Variants in GMDS observed in about 807,000 individuals in gnomAD.
GMDS encodes GDP-mannose 4,6-dehydratase.
Under a neutral mutation model 49.9 loss-of-function variants are expected in GMDS, and 20 were observed. The ratio of observed to expected loss-of-function variants is 0.40; its 90% confidence interval spans 0.28 to 0.58. The LOEUF (loss-of-function observed/expected upper bound fraction) is 0.58. GMDS is among the 20% of genes least tolerant of loss of function. The probability of loss-of-function intolerance (pLI) is 0.42; values close to 1 mark genes in which losing one functional copy is unlikely to be tolerated. For missense variants in GMDS, 362 were observed against 481.4 expected (o/e 0.75, Z 2.32); for synonymous variants, 177 against 178.6 (o/e 0.99, Z 0.07).
At chr6:2,211,504 T>G (rs1780059630) in intron 1 of GMDS, among the ~76,000 whole-genome samples, 1 of 152,202 alleles carries the variant, frequency 6.6e-6, no homozygotes, top group Non-Finnish European at 1.5e-5. Flanking sequence ...TAATTAATAG[T>G]AACATCTGCC....
At chr6:1,717,546 T>C (rs1024884827) in intron 9 of GMDS, 1 of 152,214 alleles carries the variant, frequency 6.6e-6, no homozygotes. Flanking sequence ...CAATTCAGCA[T>C]ATCCCTACCT....
At chr6:1,821,642 A>G (rs1468509720) in intron 7 of GMDS, among the ~76,000 whole-genome samples, 5 of 138,644 alleles carry the variant, frequency 3.6e-5, no homozygotes, top group African/African-American at 5.5e-5. Context: ...TTTTTTTACC[A>G]AGATAAAAAT....
chr6:1,790,510 T>TTACC (rs1485225979), intron 7 of GMDS, among the ~76,000 whole-genome samples: 1 of 152,228 alleles, frequency 6.6e-6, no homozygotes, highest in Non-Finnish European at 1.5e-5. Flanking sequence ...TGCTGTTGGC[T>TTACC]TACCTACCTG....
At chr6:1,993,242 G>A (rs1365173303) in intron 4 of GMDS, among the ~76,000 whole-genome samples, 2 of 152,126 alleles carry the variant, frequency 1.3e-5, no homozygotes, top group Non-Finnish European at 2.9e-5. Context: ...ATGCTGGCTC[G>A]TGGTTTTGTT....
rs1763072341 is a variant in GMDS, at chr6:1,946,321, G to A, written c.643+13546C>T. Among the ~76,000 whole-genome samples, 4 of 152,254 alleles carry A rather than the reference G, an allele frequency of 2.6e-5. No individual in the cohort carries two copies. In the South Asian group the frequency reaches 6.2e-4, roughly 24 times the overall value. On this transcript the variant is annotated intron_variant, in intron 6 of 10. Coordinates refer to ENST00000380815, the MANE Select transcript of GMDS (RefSeq NM_001500.4). ...ACACAGTTCCAGGGTCAAACCACAT[G>A]AGTCCAAATCCTATATCCTTCACTA...
chr6:2,117,652 A>G (rs1581673755), intron 2 of GMDS, 96 bp from the exon 3 acceptor site: 2 of 749,884 alleles, frequency 2.7e-6, no homozygotes, highest in Non-Finnish European at 4.8e-6. Context: ...ATGATTTGTA[A>G]GCATTATTTT....
chr6:2,191,670 A>C lies in GMDS; in HGVS notation c.102+53651T>G, dbSNP rs891270013. ...CAGCCAGGTATGTGAGGGTCCTGCC[A>C]CCTCAGCTCCCTCCAGACTCTGTGT... On this transcript the variant is annotated intron_variant, in intron 1 of 10. Transcript: ENST00000380815. This position sits in a 1 kb window ranked among gnomAD's most constrained non-coding sequence, Gnocchi z 4.6. Among the ~76,000 whole-genome samples, 1 of 152,278 alleles carries C rather than the reference A, an allele frequency of 6.6e-6. No individual in the cohort carries two copies. The highest frequency in any genetic ancestry group is 2.4e-5 in the African/African-American group (1 of 41,572).
chr6:1,818,988 A>G (rs1277576764), intron 7 of GMDS, among the ~76,000 whole-genome samples: 1 of 152,124 alleles, frequency 6.6e-6, no homozygotes, highest in Non-Finnish European at 1.5e-5. Flanking sequence ...CCGCATGACT[A>G]GATAGAAGCT....
At chr6:1,994,459 G>T (rs999978870) in intron 4 of GMDS, among the ~76,000 whole-genome samples, 1 of 152,016 alleles carries the variant, frequency 6.6e-6, no homozygotes, top group Non-Finnish European at 1.5e-5. Flanking sequence ...AAGAAGGCAG[G>T]CCATAAATAA....
At chr6:2,011,892 G>T (rs1214870420) in intron 4 of GMDS, among the ~76,000 whole-genome samples, 1 of 152,194 alleles carries the variant, frequency 6.6e-6, no homozygotes, top group Non-Finnish European at 1.5e-5. Flanking sequence ...TTGCATTCTT[G>T]TCTACAGCAA....
chr6:1,840,677 C>T lies in GMDS; in HGVS notation c.771+89426G>A, dbSNP rs1757115707. 2.6e-5 allele frequency among the ~76,000 whole-genome samples: 4 copies of T among 152,306 alleles called. 1 individual carries two copies. The South Asian group carries it at 8.3e-4, about 32-fold the overall frequency. ...ACCAAAGTGTGGGTCAGCCGCACTT[C>T]CAAGTGGAGCACTGAGTGGAGACCG... is the stretch of plus-strand genomic sequence containing the variant. On this transcript the variant is annotated intron_variant, in intron 7 of 10. Transcript: ENST00000380815.
intron 4 of GMDS, among the ~76,000 whole-genome samples, chr6:2,025,932 C>A (rs1315701809): frequency 6.6e-6 from 1 of 152,146 alleles, no homozygotes; most frequent in Non-Finnish European, 1.5e-5. Context: ...GATGTTACAT[C>A]TTTTTTGTTA....
chr6:2,164,387 A>T (rs567236325), intron 1 of GMDS, among the ~76,000 whole-genome samples: 73 of 152,152 alleles, frequency 4.8e-4, no homozygotes, highest in Non-Finnish European at 7.6e-4. Flanking sequence ...TACTGGTCTA[A>T]AAACAGAGCC....
Position 1,793,575 on chromosome 6 carries a change from G to A in GMDS, c.772-50989C>T, listed in dbSNP as rs147467509. 3.4e-3 allele frequency among the ~76,000 whole-genome samples: 515 copies of A among 152,254 alleles called. 2 individuals carry two copies. Among genetic ancestry groups the A allele is most frequent in the African/African-American group, 0.012 (485 of 41,538 alleles). ...GACACCTGGATGTTTCTGAGCCACCGCAGGTGGAGACTGGAGTACCTTGTG... is the reference window on the plus strand; with the variant it reads ...GACACCTGGATGTTTCTGAGCCACCACAGGTGGAGACTGGAGTACCTTGTG... On this transcript the variant is annotated intron_variant, in intron 7 of 10. Transcript: ENST00000380815.
At chr6:2,137,445 T>C (rs942351270) in intron 1 of GMDS, among the ~76,000 whole-genome samples, 1 of 151,824 alleles carries the variant, frequency 6.6e-6, no homozygotes, top group African/African-American at 2.4e-5. Flanking sequence ...GTGATTCTCC[T>C]GCCTCAGCCT....
chr6:1,656,720 C>T (rs1003848642), intron 9 of GMDS, among the ~76,000 whole-genome samples: 6 of 151,480 alleles, frequency 4.0e-5, no homozygotes, highest in East Asian at 3.9e-4. Flanking sequence ...GCCGAGATCG[C>T]GCCACTGCAC....
intron 9 of GMDS, among the ~76,000 whole-genome samples, chr6:1,698,312 G>A (rs1019941911): frequency 6.6e-6 from 1 of 152,226 alleles, no homozygotes; most frequent in African/African-American, 2.4e-5. Context: ...CCTGGAATGG[G>A]TGTACAACAC....
In GMDS at chr6:1,767,651, C is replaced by G. The variant is rs1581158876; in HGVS notation, c.772-25065G>C. Among the ~76,000 whole-genome samples the G allele has an allele frequency of 2.0e-5, 3 of 152,246 alleles. No homozygotes were observed. In the East Asian group the frequency reaches 5.8e-4, roughly 29 times the overall value. ...GAGTCTCTGGCAGCCGAGTCTGGAG[C>G]GAGTTTCTCTGCAAATTCTCTGGGG... On this transcript the variant is annotated intron_variant, in intron 7 of 10. Transcript: ENST00000380815.
chr6:1,948,125 T>C (rs906941451), intron 6 of GMDS, among the ~76,000 whole-genome samples: 2 of 152,210 alleles, frequency 1.3e-5, no homozygotes, highest in African/African-American at 4.8e-5. Context: ...ATGAGAAAAC[T>C]GAGACTCAGA....
Sources: gnomAD v4.1 joint callset for allele counts (sites outside exome capture counted in the v4.1 genomes callset) on GRCh38, gnomAD v4.1.1 for gene constraint, Gnocchi (gnomAD v3.1) non-coding constraint, MANE v1.5 for transcripts, NCBI Gene and HGNC (gene_info 2026-07-23, HGNC 2026-07-21) for gene names.